MDFIC: variants seen among roughly 807,000 people sequenced by gnomAD.
MDFIC encodes the protein myoD family inhibitor domain-containing protein.
In MDFIC, 17 loss-of-function variants were observed where a neutral mutation model predicts 23.2. The observed-to-expected ratio is 0.73, with a 90% confidence interval of 0.50 to 1.10. MDFIC has a LOEUF of 1.10. Among genes scored for constraint, MDFIC ranks in the 50% least tolerant of loss-of-function variants. MDFIC has a pLI of 0.00. For missense variants in MDFIC, 356 were observed against 316.6 expected (o/e 1.12, Z -0.95); for synonymous variants, 120 against 115.2 (o/e 1.04, Z -0.27).
chr7:114,940,235 C>A (rs574562718), intron 2 of MDFIC, among the ~76,000 whole-genome samples: 2 of 152,296 alleles, frequency 1.3e-5, no homozygotes, highest in Non-Finnish European at 1.5e-5. Flanking sequence ...GTTAAGACCC[C>A]ATTTGGTTCA....
chr7:115,007,630 G>GTGTGTATATATATATATATATATATA (rs369718965), intron 4 of MDFIC, among the ~76,000 whole-genome samples: 8 of 132,938 alleles, frequency 6.0e-5, no homozygotes, highest in African/African-American at 2.2e-4. Context: ...GCGTGTGTGT[G>GTGTGTATATATATATATATATATATA]TATATATATA....
intron 4 of MDFIC, among the ~76,000 whole-genome samples, chr7:115,002,219 G>C (rs1791479116): frequency 6.6e-6 from 1 of 152,138 alleles, no homozygotes; most frequent in Non-Finnish European, 1.5e-5. Flanking sequence ...ATGAAACATT[G>C]AACTTACTTG....
chr7:114,990,522 CA>C (rs1457171496), intron 4 of MDFIC, among the ~76,000 whole-genome samples: 1 of 152,274 alleles, frequency 6.6e-6, no homozygotes, highest in Non-Finnish European at 1.5e-5. Flanking sequence ...CGACAGGCCC[CA>C]GTGTGTGATG....
chr7:114,933,145 A>T (rs1229245396), intron 2 of MDFIC, among the ~76,000 whole-genome samples: 1 of 152,234 alleles, frequency 6.6e-6, no homozygotes, highest in Non-Finnish European at 1.5e-5. Flanking sequence ...CTGAGAGGTA[A>T]CAAAAAGGTT....
intron 4 of MDFIC, among the ~76,000 whole-genome samples, chr7:114,999,663 T>C (rs1404646582): frequency 6.6e-6 from 1 of 152,032 alleles, no homozygotes; most frequent in Non-Finnish European, 1.5e-5. Flanking sequence ...TCTTAAAAAC[T>C]CTTGTAAGGG....
At chr7:114,935,075 A>C (rs768313448) in intron 2 of MDFIC, among the ~76,000 whole-genome samples, 1 of 152,078 alleles carries the variant, frequency 6.6e-6, no homozygotes, top group Non-Finnish European at 1.5e-5. Flanking sequence ...GAAAATACAG[A>C]CCTAGTTTTT....
chr7:114,964,751 G>C (rs1347094758), intron 3 of MDFIC, among the ~76,000 whole-genome samples: 1 of 152,078 alleles, frequency 6.6e-6, no homozygotes, highest in African/African-American at 2.4e-5. Context: ...GGGTTTTCCT[G>C]TATTGGCCAG....
In MDFIC at chr7:114,979,623, G is replaced by T. The variant is rs1199279563; in HGVS notation, c.335G>T (p.Gly112Val). 1.2e-6 allele frequency: 2 copies of T among 1,613,940 alleles called. 1 individual carries two copies. The highest frequency in any genetic ancestry group is 2.2e-5 in the South Asian group (2 of 91,074). Reference sequence around the variant, plus strand: ...AGCAATGGAAATGGAATTCACCACGGGGCCAAACACGGATCCGCAGATAAT... The same window carrying T: ...AGCAATGGAAATGGAATTCACCACGTGGCCAAACACGGATCCGCAGATAAT... ...GLSNGNGIHH[G>V]AKHGSADNRK... Residue 112 changes from glycine (G) to valine (V), a missense_variant, in exon 4 of 5, where the codon GGG becomes GTG. Transcript: ENST00000393486.
intron 4 of MDFIC, among the ~76,000 whole-genome samples, chr7:115,000,826 A>G (rs1791451649): frequency 6.6e-6 from 1 of 152,224 alleles, no homozygotes; most frequent in Non-Finnish European, 1.5e-5. Flanking sequence ...ATATGCCACA[A>G]TTTAGATAGT....
intron 4 of MDFIC, among the ~76,000 whole-genome samples, chr7:114,996,711 G>T (rs1791340265): frequency 6.6e-6 from 1 of 152,168 alleles, no homozygotes; most frequent in African/African-American, 2.4e-5. Flanking sequence ...AAGGGATTAG[G>T]AAATAAAATA....
intron 4 of MDFIC, among the ~76,000 whole-genome samples, chr7:115,011,638 C>G (rs1361391917): frequency 6.6e-6 from 1 of 152,168 alleles, no homozygotes; most frequent in Non-Finnish European, 1.5e-5. Context: ...ATCTTATTTA[C>G]TAAAGTAGGA....
At chr7:114,983,563 C>CTTTTTTTTT (rs11388500) in intron 4 of MDFIC, among the ~76,000 whole-genome samples, 1 of 88,310 alleles carries the variant, frequency 1.1e-5, no homozygotes, top group Non-Finnish European at 2.1e-5. Context: ...TCATCAGGTA[C>CTTTTTTTTT]TTTTTTTTTT....
chr7:115,000,623 C>G (rs931232875), intron 4 of MDFIC, among the ~76,000 whole-genome samples: 1 of 152,004 alleles, frequency 6.6e-6, no homozygotes, highest in African/African-American at 2.4e-5. Context: ...TTTTGAACAG[C>G]TTCTTTTTGC....
At position 115,015,696 on chromosome 7, in the gene MDFIC, G is replaced by T; in HGVS notation, c.502G>T (p.Val168Phe). ...CATCACTGAAAATGAAGATTGTTGTGTCCACTGTATCCTGGCTTGCTTGTT... is the reference window on the plus strand; with the variant it reads ...CATCACTGAAAATGAAGATTGTTGTTTCCACTGTATCCTGGCTTGCTTGTT... ...KTGSSPEDCC[V>F]HCILACLFCE... Residue 168 changes from valine (V) to phenylalanine (F), a missense_variant, in exon 5 of 5, where the codon GTC becomes TTC. Physicochemically the swap from Val to Phe is conservative, Grantham distance 50. Coordinates refer to ENST00000393486, the MANE Select transcript of MDFIC (RefSeq NM_001166345.3). The T allele has an allele frequency of 6.2e-7, 1 of 1,613,992 alleles. No individual in the cohort carries two copies. The highest frequency in any genetic ancestry group is 1.3e-5 in the African/African-American group (1 of 75,022).
intron 3 of MDFIC, among the ~76,000 whole-genome samples, chr7:114,953,534 G>C (rs1792821726): frequency 6.6e-6 from 1 of 152,082 alleles, no homozygotes; most frequent in Non-Finnish European, 1.5e-5. Flanking sequence ...TAATTCCCAG[G>C]TGTCACAGAA....
At chr7:115,015,308 T>C (rs1791772414) in intron 4 of MDFIC, among the ~76,000 whole-genome samples, 1 of 152,156 alleles carries the variant, frequency 6.6e-6, no homozygotes, top group African/African-American at 2.4e-5. Context: ...CTGAAGGACT[T>C]TAATAACTAT....
intron 3 of MDFIC, among the ~76,000 whole-genome samples, chr7:114,974,733 A>G (rs1448859070): frequency 2.6e-5 from 4 of 152,114 alleles, no homozygotes; most frequent in Non-Finnish European, 4.4e-5. Context: ...TTGTCAAAAG[A>G]AGTTCATGCT....
intron 2 of MDFIC, among the ~76,000 whole-genome samples, chr7:114,932,228 T>C (rs1221802658): frequency 2.6e-5 from 4 of 152,208 alleles, no homozygotes; most frequent in Non-Finnish European, 5.9e-5. Context: ...TAATTCATAC[T>C]TCAGCTAAGG....
chr7:114,979,508 C>A lies in MDFIC; in HGVS notation c.220C>A (p.Gln74Lys). Residue 74 changes from glutamine to lysine, a missense_variant and splice_region_variant, in exon 4 of 5, where the codon CAA becomes AAA. By Grantham distance (53) the Gln-to-Lys change is moderately conservative (BLOSUM62 1). Transcript: ENST00000393486. ...ACTTTTTCCTGTTTTTAATTTAGCCCAACCTCAGCGCTTGCCTCAGCTTCA... is the reference window on the plus strand; with the variant it reads ...ACTTTTTCCTGTTTTTAATTTAGCCAAACCTCAGCGCTTGCCTCAGCTTCA... ...NPSDGELIRT[Q>K]PQRLPQLQTS... 1 of 1,597,156 alleles carries A rather than the reference C, an allele frequency of 6.3e-7. No homozygotes were observed. Among genetic ancestry groups the A allele is most frequent in the South Asian group, 1.1e-5 (1 of 87,804 alleles).
Sources: allele counts gnomAD v4.1 joint callset (sites outside exome capture counted in the v4.1 genomes callset), GRCh38; gene constraint gnomAD v4.1.1; transcripts MANE v1.5; gene names NCBI Gene and HGNC (gene_info 2026-07-23, HGNC 2026-07-21).